CAMK2G: variants seen among roughly 807,000 people sequenced by gnomAD.
The protein encoded by CAMK2G is calcium/calmodulin-dependent protein kinase type II subunit gamma.
Under a neutral mutation model 88.7 loss-of-function variants are expected in CAMK2G, and 23 were observed. The ratio of observed to expected loss-of-function variants is 0.26; its 90% confidence interval spans 0.19 to 0.37. CAMK2G has a LOEUF of 0.37. CAMK2G is among the 10% of genes least tolerant of loss of function. The pLI, the probability that CAMK2G is intolerant of heterozygous loss-of-function variation, is 1.00. For synonymous variants in CAMK2G, 263 were observed against 294.8 expected (o/e 0.89, Z 1.11); for missense variants, 476 against 780.8 (o/e 0.61, Z 4.65).
At chr10:73,835,354 GGCTTGA>G (rs2093070201) in intron 14 of CAMK2G, among the ~76,000 whole-genome samples, 1 of 151,424 alleles carries the variant, frequency 6.6e-6, no homozygotes, top group Non-Finnish European at 1.5e-5. Flanking sequence ...AGAGTGCAGT[GGCTTGA>G]TCTTGGCTCA....
chr10:73,841,661 G>A (rs978510431), intron 12 of CAMK2G, among the ~76,000 whole-genome samples: 7 of 152,096 alleles, frequency 4.6e-5, no homozygotes, highest in African/African-American at 1.2e-4. Flanking sequence ...GTATCTCAGG[G>A]ACTATTTTAA....
chr10:73,833,739 C>A (rs2092833201), intron 14 of CAMK2G, among the ~76,000 whole-genome samples: 1 of 151,532 alleles, frequency 6.6e-6, no homozygotes, highest in Admixed American at 6.6e-5. Flanking sequence ...GCTGGGACTA[C>A]AGGCGTGCAC....
At chr10:73,835,299 CTTT>C (rs112225816) in intron 14 of CAMK2G, among the ~76,000 whole-genome samples, 1 of 143,618 alleles carries the variant, frequency 7.0e-6, no homozygotes, top group Non-Finnish European at 1.5e-5. Flanking sequence ...CAGCAGGTAT[CTTT>C]TTTTTTTTTT....
intron 1 of CAMK2G, chr10:73,873,492 G>A: frequency 9.8e-7 from 1 of 1,022,838 alleles, no homozygotes; most frequent in South Asian, 4.0e-5. Flanking sequence ...TGAAGGTCGG[G>A]GAAGGAAAGA....
chr10:73,861,178 C>T (rs1253637405), intron 2 of CAMK2G, among the ~76,000 whole-genome samples: 4 of 152,220 alleles, frequency 2.6e-5, no homozygotes, highest in Non-Finnish European at 4.4e-5. Context: ...AGGCACCAGC[C>T]ACCAGGCCTG....
At position 73,824,053 on chromosome 10, in the gene CAMK2G, G is replaced by A. The variant is rs369382185; in HGVS notation, c.1187C>T (p.Thr396Ile). Residue 396 changes from threonine to isoleucine, a missense_variant, in exon 17 of 23, where the codon ACA becomes ATA. Transcript: ENST00000423381. ...EPQTTVVHNA[T>I]DGIKGSTESC... The stretch of plus-strand genomic sequence containing the variant: ...GGAGCCACTCACCTTGATCCCATCT[G>A]TAGCGTTGTGTACCACAGTGGTTTG... 1.4e-5 allele frequency: 22 copies of A among 1,613,314 alleles called. No homozygotes were observed. Among genetic ancestry groups the A allele is most frequent in the Non-Finnish European group, 1.8e-5 (21 of 1,179,432 alleles).
chr10:73,818,641 C>T, intron 19 of CAMK2G: 1 of 452,346 alleles, frequency 2.2e-6, no homozygotes, highest in African/African-American at 2.0e-5. Flanking sequence ...GGGGGCCCCA[C>T]AGCCGTCAGC....
intron 3 of CAMK2G, among the ~76,000 whole-genome samples, chr10:73,855,702 G>A (rs1189124992): frequency 6.6e-6 from 1 of 152,262 alleles, no homozygotes; most frequent in African/African-American, 2.4e-5. Context: ...AAGGGAATTA[G>A]AAGAAAGGAG....
chr10:73,844,945 G>A (rs1035179377), intron 10 of CAMK2G, among the ~76,000 whole-genome samples: 3 of 152,060 alleles, frequency 2.0e-5, no homozygotes, highest in Non-Finnish European at 4.4e-5. Context: ...CCCTTACTGA[G>A]ACCCCCTGTT....
intron 3 of CAMK2G, among the ~76,000 whole-genome samples, chr10:73,854,269 G>A (rs995497662): frequency 2.0e-5 from 3 of 152,326 alleles, no homozygotes; most frequent in Middle Eastern, 3.4e-3. Context: ...CACCAGCTGC[G>A]AGAAAAAGCT....
At chr10:73,840,811 A>C (rs1213653522) in intron 12 of CAMK2G, among the ~76,000 whole-genome samples, 1 of 152,228 alleles carries the variant, frequency 6.6e-6, no homozygotes, top group African/African-American at 2.4e-5. Context: ...TAGGGGCAAC[A>C]CCGAAACGCC....
intron 2 of CAMK2G, among the ~76,000 whole-genome samples, chr10:73,872,467 A>G (rs1252159164): frequency 2.0e-5 from 3 of 152,222 alleles, no homozygotes; most frequent in Non-Finnish European, 4.4e-5. Flanking sequence ...TGTTCCTGAG[A>G]AGCCCTCGCC....
chr10:73,823,250 G>A (rs1455513321), intron 17 of CAMK2G, among the ~76,000 whole-genome samples: 1 of 150,576 alleles, frequency 6.6e-6, no homozygotes, highest in Non-Finnish European at 1.5e-5. Context: ...AAGTCTCACT[G>A]CGTAGCCCAA....
chr10:73,844,142 G>T (rs2094039617), intron 10 of CAMK2G, among the ~76,000 whole-genome samples: 1 of 151,850 alleles, frequency 6.6e-6, no homozygotes, highest in South Asian at 2.1e-4. Flanking sequence ...GCCCAGGCTG[G>T]AGTGCAGTAG....
intron 5 of CAMK2G, 95 bp from the exon 6 acceptor site, chr10:73,849,428 G>C (rs754783808): frequency 2.5e-6 from 2 of 809,174 alleles, no homozygotes; most frequent in Non-Finnish European, 2.1e-6. Flanking sequence ...ATGTGACAAG[G>C]GGCCACGGAT....
At chr10:73,870,322 T>A (rs2095778869) in intron 2 of CAMK2G, among the ~76,000 whole-genome samples, 1 of 152,132 alleles carries the variant, frequency 6.6e-6, no homozygotes, top group Non-Finnish European at 1.5e-5. Flanking sequence ...CGGAGTGACG[T>A]TATGTGACTT....
intron 21 of CAMK2G, chr10:73,816,442 A>G (rs1222246505): frequency 3.7e-6 from 4 of 1,084,722 alleles, no homozygotes; most frequent in Admixed American, 4.9e-5. Context: ...TCCGTCTTGG[A>G]AAGAGGTGAG....
chr10:73,834,739 A>T (rs1427644393), intron 14 of CAMK2G, among the ~76,000 whole-genome samples: 2 of 152,210 alleles, frequency 1.3e-5, no homozygotes, highest in Non-Finnish European at 2.9e-5. Flanking sequence ...ATGAATTCCA[A>T]GCTGGGCCCT....
At chr10:73,870,587 G>T (rs778468187) in intron 2 of CAMK2G, among the ~76,000 whole-genome samples, 2 of 152,112 alleles carry the variant, frequency 1.3e-5, no homozygotes, top group African/African-American at 4.8e-5. Context: ...TATCTTTTCA[G>T]TTTGTAGCCC....
Sources: gnomAD v4.1 joint callset for allele counts (sites outside exome capture counted in the v4.1 genomes callset) on GRCh38, gnomAD v4.1.1 for gene constraint, MANE v1.5 for transcripts, NCBI Gene and HGNC (gene_info 2026-07-23, HGNC 2026-07-21) for gene names.